Variants in FBXW7 observed in about 807,000 individuals in gnomAD.
FBXW7 encodes the protein F-box and WD repeat domain containing 7, also known as F-box/WD repeat-containing protein 7.
In FBXW7, 11 loss-of-function variants were observed where a neutral mutation model predicts 86.3. That is an observed-to-expected ratio of 0.13 (90% CI 0.08 to 0.21). The LOEUF (loss-of-function observed/expected upper bound fraction) is 0.21, where lower values mean the gene tolerates loss of function less well. FBXW7 is among the 10% of genes least tolerant of loss of function. The pLI is 1.00. For synonymous variants in FBXW7, 313 were observed against 297.9 expected (o/e 1.05, Z -0.52); for missense variants, 488 against 847.4 (o/e 0.58, Z 5.27).
At chr4:152,493,571 G>A (rs925237597) in intron 2 of FBXW7, among the ~76,000 whole-genome samples, 2 of 152,262 alleles carry the variant, frequency 1.3e-5, no homozygotes, top group Middle Eastern at 3.4e-3. Flanking sequence ...GTCAGAACAC[G>A]ACTGTATTTG....
chr4:152,508,645 G>A (rs556758019), intron 2 of FBXW7, among the ~76,000 whole-genome samples: 44 of 145,810 alleles, frequency 3.0e-4, no homozygotes, highest in Non-Finnish European at 5.1e-4. Flanking sequence ...ACTCATGATC[G>A]TGCCACTGCA....
chr4:152,519,213 G>A lies in FBXW7; in HGVS notation c.-120+15728C>T, dbSNP rs796549914. 2.0e-5 allele frequency among the ~76,000 whole-genome samples: 3 copies of A among 152,240 alleles called. No homozygotes were observed. The South Asian group carries it at 6.2e-4, about 32-fold the overall frequency. ...CTCAGGAGGCTGAGGGAGGAGAATG[G>A]CGTGAATCCGGGAGGCAGAGCTTGC... On this transcript the variant is annotated intron_variant, in intron 2 of 13. Coordinates refer to ENST00000281708, the MANE Select transcript of FBXW7 (RefSeq NM_001349798.2).
intron 5 of FBXW7, 89 bp downstream of exon 5, chr4:152,349,953 T>C: frequency 1.5e-6 from 1 of 687,372 alleles, no homozygotes; most frequent in East Asian, 2.9e-5. Flanking sequence ...ACTAGTAACA[T>C]TATTATTCTA....
intron 7 of FBXW7, among the ~76,000 whole-genome samples, chr4:152,335,795 A>T (rs1319639329): frequency 1.3e-5 from 2 of 152,202 alleles, no homozygotes; most frequent in East Asian, 3.8e-4. Context: ...TTATTTTTAA[A>T]TGTTGGCTAA....
chr4:152,337,988 C>T (rs1730329470), intron 6 of FBXW7, 52 bp from the exon 7 acceptor site: 1 of 1,545,844 alleles, frequency 6.5e-7, no homozygotes, highest in East Asian at 2.3e-5. Flanking sequence ...TCCCAAATTA[C>T]AGGCTTATAA....
intron 2 of FBXW7, among the ~76,000 whole-genome samples, chr4:152,493,668 G>C (rs1746064041): frequency 6.6e-6 from 1 of 152,134 alleles, no homozygotes; most frequent in Non-Finnish European, 1.5e-5. Flanking sequence ...CATGCAAACA[G>C]AGGAAAAACC....
rs770525404 is a variant in FBXW7, at chr4:152,411,577, T to A, written c.227A>T (p.Gln76Leu). 6.2e-6 allele frequency: 10 copies of A among 1,614,034 alleles called. No homozygotes were observed. Among genetic ancestry groups the A allele is most frequent in the East Asian group, 4.5e-5 (2 of 44,866 alleles). The stretch of plus-strand genomic sequence containing the variant: ...AAATCTATTATTGTTTTCTTCCAAC[T>A]GTCCTTGCTGGGAATCATTTTGGCC... ...PGGQNDSQQG[Q>L]LEENNNRFIS... is the part of the protein sequence containing the mutation. Residue 76 changes from glutamine to leucine, a missense_variant, in exon 4 of 14, where the codon CAG (glutamine) becomes CTG (leucine). Gln to Leu is a moderately radical substitution (Grantham distance 113). Around this residue, in one of 4 missense-constraint regions of FBXW7, gnomAD observed 230 missense variants for 240.0 expected, o/e 0.96. Transcript: ENST00000281708.
At chr4:152,395,063 TG>T (rs1288779189) in intron 4 of FBXW7, among the ~76,000 whole-genome samples, 1 of 152,068 alleles carries the variant, frequency 6.6e-6, no homozygotes, top group African/African-American at 2.4e-5. Flanking sequence ...TGTGTGTGTG[TG>T]ACATATTTTC....
chr4:152,442,847 T>G (rs1741026348), intron 2 of FBXW7, among the ~76,000 whole-genome samples: 1 of 152,220 alleles, frequency 6.6e-6, no homozygotes, highest in African/African-American at 2.4e-5. Context: ...GGTAAAAACC[T>G]AGATCCACCA....
chr4:152,518,882 A>G (rs777778880), intron 2 of FBXW7, among the ~76,000 whole-genome samples: 5 of 152,238 alleles, frequency 3.3e-5, no homozygotes, highest in Admixed American at 6.5e-5. Context: ...TTAATTAAAT[A>G]TGAAATATCT....
chr4:152,447,232 C>T (rs1169269947), intron 2 of FBXW7, among the ~76,000 whole-genome samples: 1 of 152,094 alleles, frequency 6.6e-6, no homozygotes, highest in Non-Finnish European at 1.5e-5. Flanking sequence ...AATTGTTAAT[C>T]TTATTTAATT....
At chr4:152,521,809 ATTTTTTTTTTTTTTTTTT>A (rs575881137) in intron 2 of FBXW7, among the ~76,000 whole-genome samples, 23 of 100,742 alleles carry the variant, frequency 2.3e-4, no homozygotes, top group African/African-American at 1.0e-3. Context: ...TAAGGGTCCA[ATTTTTTTTTTTTTTTTTT>A]TTTTTTTTTG....
intron 2 of FBXW7, among the ~76,000 whole-genome samples, chr4:152,416,650 T>C (rs1377425241): frequency 6.6e-6 from 1 of 152,096 alleles, no homozygotes; most frequent in East Asian, 1.9e-4. Context: ...CAGCACAAAA[T>C]GGGCAATACT....
chr4:152,484,839 G>A (rs188408644), intron 2 of FBXW7, among the ~76,000 whole-genome samples: 7 of 152,028 alleles, frequency 4.6e-5, no homozygotes, highest in African/African-American at 1.7e-4. Flanking sequence ...GCAAGCACCT[G>A]TAATCCCAGC....
chr4:152,371,609 C>T (rs1218285684), intron 4 of FBXW7, among the ~76,000 whole-genome samples: 2 of 151,830 alleles, frequency 1.3e-5, no homozygotes, highest in Admixed American at 1.3e-4. Flanking sequence ...AAATTATCAC[C>T]AAATGATTTA....
intron 2 of FBXW7, among the ~76,000 whole-genome samples, chr4:152,462,551 G>A (rs1041734687): frequency 2.6e-5 from 4 of 152,138 alleles, no homozygotes; most frequent in African/African-American, 9.7e-5. Context: ...CAGGCTACCC[G>A]TAACTTCTTT....
intron 2 of FBXW7, among the ~76,000 whole-genome samples, chr4:152,499,442 A>G (rs1294671391): frequency 6.6e-6 from 1 of 152,180 alleles, no homozygotes; most frequent in Non-Finnish European, 1.5e-5. Context: ...GAAATGAGAA[A>G]CCACAAATAC....
intron 2 of FBXW7, among the ~76,000 whole-genome samples, chr4:152,430,477 T>C (rs1739785459): frequency 6.6e-6 from 1 of 151,494 alleles, no homozygotes; most frequent in Non-Finnish European, 1.5e-5. Context: ...TATTTGTACA[T>C]ACAGAAGGTC....
At chr4:152,514,031 T>C (rs897162165) in intron 2 of FBXW7, among the ~76,000 whole-genome samples, 4 of 152,254 alleles carry the variant, frequency 2.6e-5, no homozygotes, top group Non-Finnish European at 4.4e-5. Context: ...AAAGTCTTCA[T>C]GGTTTTCATA....
Sources: allele counts gnomAD v4.1 joint callset (sites outside exome capture counted in the v4.1 genomes callset), GRCh38; gene constraint gnomAD v4.1.1; regional missense constraint gnomAD v4.1.1; transcripts MANE v1.5; gene names NCBI Gene and HGNC (gene_info 2026-07-23, HGNC 2026-07-21).